CIMIP2C: variants seen among roughly 807,000 people sequenced by gnomAD.
CIMIP2C encodes the protein ciliary microtubule inner protein 2C.
chr2:26,569,799 G>A, the CIMIP2C span, among the ~76,000 whole-genome samples: 2 of 152,120 alleles, frequency 1.3e-5, no homozygotes, highest in East Asian at 3.9e-4. Context: ...GGGTTGAAGG[G>A]GAGGTGTGGT....
At chr2:26,577,135 C>T in the CIMIP2C span, among the ~76,000 whole-genome samples, 4 of 152,180 alleles carry the variant, frequency 2.6e-5, no homozygotes, top group African/African-American at 9.7e-5. Context: ...GAACATGCCC[C>T]GTACAGTGGG....
At chr2:26,578,729 C>T in the CIMIP2C span, 5 of 470,930 alleles carry the variant, frequency 1.1e-5, no homozygotes, top group Non-Finnish European at 2.2e-5. Context: ...CCCCCCATCC[C>T]CATCACTGTG....
chr2:26,571,882 A>C, the CIMIP2C span, among the ~76,000 whole-genome samples: 4,233 of 152,298 alleles, frequency 0.028, 186 homozygotes, highest in African/African-American at 0.096. Flanking sequence ...TAATCATACC[A>C]TATTTGCTAT....
chr2:26,576,006 G>A, the CIMIP2C span: 13 of 1,614,150 alleles, frequency 8.1e-6, no homozygotes, highest in African/African-American at 1.5e-4. Context: ...ATGGAGAAGA[G>A]CCACACTCCC....
chr2:26,579,524 A>T, the CIMIP2C span: 477,935 of 1,473,526 alleles, frequency 0.32, 80,967 homozygotes, highest in East Asian at 0.56. Flanking sequence ...TTTAGCCATG[A>T]CCATGCTACC....
At chr2:26,577,624 G>A in the CIMIP2C span, 6 of 1,611,518 alleles carry the variant, frequency 3.7e-6, no homozygotes, top group East Asian at 4.5e-5. Flanking sequence ...CCTCCCCACC[G>A]TCCTGTGAGT....
chr2:26,566,933 C>G, the CIMIP2C span, among the ~76,000 whole-genome samples: 2 of 152,170 alleles, frequency 1.3e-5, no homozygotes, highest in Non-Finnish European at 2.9e-5. Context: ...TGGTCTTGAA[C>G]TCTTGGGCTC....
At chr2:26,575,470 G>T in the CIMIP2C span, among the ~76,000 whole-genome samples, 2 of 152,154 alleles carry the variant, frequency 1.3e-5, no homozygotes, top group Non-Finnish European at 2.9e-5. Flanking sequence ...AGCATTGACT[G>T]GGGGGGTATC....
the CIMIP2C span, among the ~76,000 whole-genome samples, chr2:26,575,498 T>C: frequency 1.3e-5 from 2 of 152,264 alleles, no homozygotes; most frequent in South Asian, 4.1e-4. Context: ...CTGGCCCCTG[T>C]GTAAGCCCCT....
the CIMIP2C span, chr2:26,575,799 C>G: frequency 7.9e-6 from 11 of 1,393,446 alleles, no homozygotes; most frequent in African/African-American, 1.6e-4. Flanking sequence ...GCTGGGATTA[C>G]AGGCATGAGC....
the CIMIP2C span, chr2:26,579,139 C>G: frequency 1.3e-6 from 1 of 766,854 alleles, no homozygotes; most frequent in South Asian, 1.8e-5. Context: ...AGGTTATTCC[C>G]ACCCCAAGTC....
the CIMIP2C span, chr2:26,577,952 A>G: frequency 1.1e-5 from 4 of 356,104 alleles, no homozygotes; most frequent in Admixed American, 9.6e-5. Flanking sequence ...TGGCAGCTAC[A>G]CTAGTCCTAA....
the CIMIP2C span, chr2:26,576,158 C>T: frequency 6.2e-7 from 1 of 1,613,730 alleles, no homozygotes; most frequent in East Asian, 2.2e-5. Context: ...CTCCACAGAG[C>T]TTACGAATTT....
the CIMIP2C span, among the ~76,000 whole-genome samples, chr2:26,576,769 C>T: frequency 6.6e-6 from 1 of 152,228 alleles, no homozygotes; most frequent in Non-Finnish European, 1.5e-5. Flanking sequence ...CACCCACACC[C>T]CTGTTGTTCT....
chr2:26,574,844 C>T, the CIMIP2C span, among the ~76,000 whole-genome samples: 19 of 152,206 alleles, frequency 1.2e-4, no homozygotes, highest in Admixed American at 7.2e-4. Flanking sequence ...GCATGTCCAC[C>T]GACCTGCAGC....
chr2:26,569,538 G>T, the CIMIP2C span, among the ~76,000 whole-genome samples: 1 of 152,136 alleles, frequency 6.6e-6, no homozygotes, highest in South Asian at 2.1e-4. Flanking sequence ...AATAGTCGCT[G>T]GTTAATCAGT....
chr2:26,571,005 G>A, the CIMIP2C span, among the ~76,000 whole-genome samples: 1 of 152,144 alleles, frequency 6.6e-6, no homozygotes, highest in Admixed American at 6.5e-5. Context: ...GTGGAGGTTG[G>A]AGGGGGCAGG....
At chr2:26,575,327 C>T in the CIMIP2C span, among the ~76,000 whole-genome samples, 1 of 152,242 alleles carries the variant, frequency 6.6e-6, no homozygotes, top group Non-Finnish European at 1.5e-5. Context: ...GACCGGGCCC[C>T]CCACCCACTT....
At chr2:26,572,800 C>G in the CIMIP2C span, among the ~76,000 whole-genome samples, 2 of 152,162 alleles carry the variant, frequency 1.3e-5, no homozygotes, top group Non-Finnish European at 1.5e-5. Context: ...TCCTTGCTTC[C>G]GAGGAGGAGA....
Sources: gnomAD v4.1 joint callset for allele counts (sites outside exome capture counted in the v4.1 genomes callset) on GRCh38, gnomAD v4.1.1 for gene constraint, MANE v1.5 for transcripts, NCBI Gene and HGNC (gene_info 2026-07-23, HGNC 2026-07-21) for gene names.